REEP3: variants seen among roughly 807,000 people sequenced by gnomAD.
REEP3 encodes the protein receptor expression-enhancing protein 3.
Under a neutral mutation model 41.3 loss-of-function variants are expected in REEP3, and 20 were observed. That is an observed-to-expected ratio of 0.48 (90% CI 0.34 to 0.70). The LOEUF (loss-of-function observed/expected upper bound fraction) is 0.70. Ranked by LOEUF, REEP3 falls within the 30% of genes least tolerant of loss-of-function variation. REEP3 has a pLI of 0.01. For synonymous variants in REEP3, 104 were observed against 101.8 expected (o/e 1.02, Z -0.13); for missense variants, 271 against 308.8 (o/e 0.88, Z 0.92).
intron 1 of REEP3, among the ~76,000 whole-genome samples, chr10:63,522,577 A>G (rs138263177): frequency 3.3e-5 from 5 of 152,302 alleles, no homozygotes; most frequent in African/African-American, 9.6e-5. Flanking sequence ...GGTTTCATAA[A>G]GGTATATGAA....
At chr10:63,552,314 A>G (rs1051919794) in intron 1 of REEP3, among the ~76,000 whole-genome samples, 1 of 152,088 alleles carries the variant, frequency 6.6e-6, no homozygotes, top group Non-Finnish European at 1.5e-5. Context: ...GGGAGGCTGA[A>G]GCAGGAGAAT....
chr10:63,570,917 C>T (rs1955846103), intron 2 of REEP3, among the ~76,000 whole-genome samples: 1 of 152,118 alleles, frequency 6.6e-6, no homozygotes, highest in African/African-American at 2.4e-5. Flanking sequence ...GAGTTTGACA[C>T]CAACCTGGGC....
chr10:63,539,364 G>A (rs1955505468), intron 1 of REEP3, among the ~76,000 whole-genome samples: 1 of 151,994 alleles, frequency 6.6e-6, no homozygotes, highest in Admixed American at 6.6e-5. Flanking sequence ...TGTAAGATGG[G>A]GTAATTTAAA....
At chr10:63,526,311 T>A (rs1955364160) in intron 1 of REEP3, among the ~76,000 whole-genome samples, 2 of 152,148 alleles carry the variant, frequency 1.3e-5, no homozygotes, top group Admixed American at 1.3e-4. Context: ...TATTTAATTT[T>A]ACATTTAGAT....
chr10:63,530,444 G>A (rs925271529), intron 1 of REEP3, among the ~76,000 whole-genome samples: 1 of 152,002 alleles, frequency 6.6e-6, no homozygotes, highest in African/African-American at 2.4e-5. Flanking sequence ...CAGGTAAATA[G>A]GAACAATGAT....
At chr10:63,593,464 G>A (rs1367659387) in intron 2 of REEP3, among the ~76,000 whole-genome samples, 2 of 152,096 alleles carry the variant, frequency 1.3e-5, no homozygotes, top group African/African-American at 4.8e-5. Context: ...TTTTCTTATC[G>A]ATGATGGAAT....
At chr10:63,537,136 T>C (rs967188786) in intron 1 of REEP3, among the ~76,000 whole-genome samples, 1 of 152,198 alleles carries the variant, frequency 6.6e-6, no homozygotes, top group African/African-American at 2.4e-5. Context: ...TAAGTAAACA[T>C]TGGTTTATGT....
intron 2 of REEP3, among the ~76,000 whole-genome samples, chr10:63,567,888 A>G (rs974031218): frequency 5.9e-5 from 9 of 152,158 alleles, no homozygotes; most frequent in African/African-American, 2.2e-4. Flanking sequence ...TCTCTTGTAT[A>G]TAAAACTAAC....
intron 2 of REEP3, among the ~76,000 whole-genome samples, chr10:63,579,553 G>A (rs1035970595): frequency 1.3e-5 from 2 of 152,232 alleles, no homozygotes; most frequent in African/African-American, 4.8e-5. Flanking sequence ...ACACTAGGAT[G>A]TAGCTAGCCA....
chr10:63,610,323 G>A lies in REEP3; in HGVS notation c.554G>A (p.Ser185Asn), dbSNP rs1225064691. 6.4e-7 allele frequency: 1 copy of A among 1,554,524 alleles called. No individual in the cohort carries two copies. Among genetic ancestry groups the A allele is most frequent in the Non-Finnish European group, 8.7e-7 (1 of 1,148,178 alleles). Residue 185 changes from serine (S) to asparagine (N), a missense_variant, in exon 6 of 8, where the codon AGT becomes AAT. Physicochemically the swap from Ser to Asn is conservative, Grantham distance 46 (BLOSUM62 1). Coordinates refer to ENST00000373758, the MANE Select transcript of REEP3 (RefSeq NM_001001330.3). The part of the protein sequence containing the change: ...EAKKKSKPAP[S>N]ESAGYGIPLK... ...AAAAAGAAAAGTAAACCAGCCCCCA[G>A]TGAATCAGCAGGTGTGCTTGTGTGT...
At chr10:63,532,560 G>A (rs1433385251) in intron 1 of REEP3, among the ~76,000 whole-genome samples, 1 of 151,752 alleles carries the variant, frequency 6.6e-6, no homozygotes, top group Non-Finnish European at 1.5e-5. Context: ...TACTCGAAGG[G>A]AGGCAGAATG....
At chr10:63,552,321 G>A (rs572888522) in intron 1 of REEP3, among the ~76,000 whole-genome samples, 75 of 152,196 alleles carry the variant, frequency 4.9e-4, no homozygotes, top group Non-Finnish European at 4.0e-4. Flanking sequence ...TGAAGCAGGA[G>A]AATGGCATGA....
At chr10:63,562,869 CAT>C (rs1339529291) in intron 1 of REEP3, 5 of 452,826 alleles carry the variant, frequency 1.1e-5, no homozygotes, top group African/African-American at 1.0e-4. Context: ...CCCCAAACTT[CAT>C]ATATTGAAGT....
chr10:63,578,156 A>G (rs1955913782), intron 2 of REEP3, among the ~76,000 whole-genome samples: 1 of 152,090 alleles, frequency 6.6e-6, no homozygotes, highest in Non-Finnish European at 1.5e-5. Flanking sequence ...CTAGAGTGCA[A>G]TGGTGTGATC....
At chr10:63,580,650 A>C (rs1026469676) in intron 2 of REEP3, among the ~76,000 whole-genome samples, 11 of 152,206 alleles carry the variant, frequency 7.2e-5, no homozygotes, top group Non-Finnish European at 2.9e-5. Context: ...GAAAAAAATG[A>C]AAAACAAGAA....
At position 63,521,684 on chromosome 10, in the gene REEP3, G is replaced by C. The variant is rs1231702507; in HGVS notation, c.32+107G>C. 3.3e-5 allele frequency: 26 copies of C among 792,204 alleles called. No homozygotes were observed. In the East Asian group the frequency reaches 9.4e-4, roughly 29 times the overall value. 49.1% of individuals were successfully genotyped at this position (792,204 alleles called of 1,614,324 possible). On this transcript the variant is annotated intron_variant, in intron 1 of 7. Transcript: ENST00000373758. Reference sequence around the variant, plus strand: ...AAGGCCTGGGCCTGGGCGGGGACGGGGTAGCCCGGCCTCGGGCCTGCCGAG... The same window carrying C: ...AAGGCCTGGGCCTGGGCGGGGACGGCGTAGCCCGGCCTCGGGCCTGCCGAG...
intron 7 of REEP3, among the ~76,000 whole-genome samples, chr10:63,620,036 AG>A (rs1350213071): frequency 3.3e-5 from 5 of 150,004 alleles, no homozygotes; most frequent in African/African-American, 9.9e-5. Flanking sequence ...GGGCTCAAGC[AG>A]TCCTCCCACC....
At chr10:63,593,558 G>C (rs1350890215) in intron 2 of REEP3, among the ~76,000 whole-genome samples, 1 of 152,030 alleles carries the variant, frequency 6.6e-6, no homozygotes, top group African/African-American at 2.4e-5. Flanking sequence ...GTAATTCCTC[G>C]CCCCCTGGTT....
chr10:63,583,243 A>G (rs1014232361), intron 2 of REEP3, among the ~76,000 whole-genome samples: 1 of 151,920 alleles, frequency 6.6e-6, no homozygotes, highest in Admixed American at 6.6e-5. Context: ...CGCCCACCTC[A>G]GCCTCCCAAA....
Sources: gnomAD v4.1 joint callset for allele counts (sites outside exome capture counted in the v4.1 genomes callset) on GRCh38, gnomAD v4.1.1 for gene constraint, MANE v1.5 for transcripts, NCBI Gene and HGNC (gene_info 2026-07-23, HGNC 2026-07-21) for gene names.